Variants in LHFPL4 observed in about 807,000 individuals in gnomAD.
LHFPL4 encodes the protein LHFPL tetraspan subfamily member 4, also known as LHFPL tetraspan subfamily member 4 protein.
Under a neutral mutation model 20.0 loss-of-function variants are expected in LHFPL4, and 6 were observed. The ratio of observed to expected loss-of-function variants is 0.30; its 90% confidence interval spans 0.16 to 0.59. The LOEUF is 0.59. Among genes scored for constraint, LHFPL4 ranks in the 20% least tolerant of loss-of-function variants. The pLI, the probability that LHFPL4 is intolerant of heterozygous loss-of-function variation, is 0.88. For synonymous variants in LHFPL4, 129 were observed against 143.8 expected (o/e 0.90, Z 0.74); for missense variants, 215 against 331.2 (o/e 0.65, Z 2.72).
Position 9,502,007 on chromosome 3 carries a change from ACCCTC to A in LHFPL4, c.*199_*203del, listed in dbSNP as rs898973290. 1 of 600,270 alleles carries A rather than the reference ACCCTC, an allele frequency of 1.7e-6. No individual in the cohort carries two copies. The highest frequency in any genetic ancestry group is 1.9e-5 in the African/African-American group (1 of 53,614). The allele number at this position is 600,270 out of a possible 1,614,324, so 37.2% of individuals were successfully genotyped here. A position where few individuals can be genotyped will look rare whatever the true frequency, so the allele number is the denominator to read the frequency against. On this transcript the variant is annotated 3_prime_UTR_variant, in exon 4 of 4. Coordinates refer to ENST00000287585, the MANE Select transcript of LHFPL4 (RefSeq NM_198560.3). Reference sequence around the variant, plus strand: ...AAATTGAGGGAGGAGCAAGAATTAGACCCTCCCAAGGTTTGGAGGGCCTCTCCTCT... The same window carrying A: ...AAATTGAGGGAGGAGCAAGAATTAGACCAAGGTTTGGAGGGCCTCTCCTCT...
intron 3 of LHFPL4, among the ~76,000 whole-genome samples, chr3:9,503,601 G>A (rs570199949): frequency 6.6e-6 from 1 of 152,352 alleles, no homozygotes; most frequent in East Asian, 1.9e-4. Context: ...TTCAGATTCT[G>A]CCTTCACCAC....
Position 9,506,151 on chromosome 3 carries a change from C to G in LHFPL4, c.459G>C (p.Glu153Asp). 1 of 1,614,182 alleles carries G rather than the reference C, an allele frequency of 6.2e-7. No individual in the cohort carries two copies. Among genetic ancestry groups the G allele is most frequent in the Non-Finnish European group, 8.5e-7 (1 of 1,180,046 alleles). Residue 153 changes from glutamate (E) to aspartate (D), a missense_variant, in exon 3 of 4, where the codon GAG (glutamate) becomes GAC (aspartate). By Grantham distance (45) the Glu-to-Asp change is conservative. Transcript: ENST00000287585. This position sits in a 1 kb window ranked among gnomAD's most constrained non-coding sequence, Gnocchi z 4.5. The part of the protein sequence containing the change: ...CMIFPDGWDA[E>D]TIRDMCGAKT... ...TGGCCCCACACATGTCCCGGATGGT[C>G]TCGGCATCCCAGCCATCAGGAAAGA... is the stretch of plus-strand genomic sequence containing the variant.
chr3:9,552,784 G>T lies in LHFPL4; in HGVS notation c.-105C>A. Reference sequence around the variant, plus strand: ...GGAGCTGGGGACGCACGCGAGAAGCGGCCCTGAGTCAAGGAACCCGCGAGG... The same window carrying T: ...GGAGCTGGGGACGCACGCGAGAAGCTGCCCTGAGTCAAGGAACCCGCGAGG... On this transcript the variant is annotated 5_prime_UTR_variant, in exon 2 of 4. Transcript: ENST00000287585. 1.6e-6 allele frequency: 1 copy of T among 636,772 alleles called. No individual in the cohort carries two copies. 39.4% of individuals were successfully genotyped at this position (636,772 alleles called of 1,614,324 possible).
chr3:9,505,646 G>A (rs955396582), intron 3 of LHFPL4, among the ~76,000 whole-genome samples: 1 of 152,068 alleles, frequency 6.6e-6, no homozygotes, highest in Admixed American at 6.5e-5. Context: ...GGATGGTCTG[G>A]ATCTTCTGAC....
At chr3:9,523,682 A>C (rs1463511521) in intron 2 of LHFPL4, among the ~76,000 whole-genome samples, 1 of 152,080 alleles carries the variant, frequency 6.6e-6, no homozygotes, top group African/African-American at 2.4e-5. Context: ...CATGTTGGCC[A>C]GGCTGATCTC....
At chr3:9,508,518 A>C (rs1181814945) in intron 2 of LHFPL4, among the ~76,000 whole-genome samples, 1 of 152,174 alleles carries the variant, frequency 6.6e-6, no homozygotes, top group Non-Finnish European at 1.5e-5. Flanking sequence ...CTCAGGGGAA[A>C]ACCGGGGCTA....
chr3:9,549,297 G>GT, intron 2 of LHFPL4, among the ~76,000 whole-genome samples: 1 of 152,238 alleles, frequency 6.6e-6, no homozygotes, highest in African/African-American at 2.4e-5. Flanking sequence ...CATAGGGATG[G>GT]TTATAGAGCT....
intron 2 of LHFPL4, among the ~76,000 whole-genome samples, chr3:9,543,709 T>C (rs1417683679): frequency 1.4e-5 from 2 of 144,540 alleles, no homozygotes; most frequent in Non-Finnish European, 3.0e-5. Context: ...TTTGGGGTGA[T>C]TTGTTTGTTT....
Position 9,499,221 on chromosome 3 carries a change from G to C in LHFPL4, c.*2990C>G, listed in dbSNP as rs189120714. 6.6e-6 allele frequency: 1 copy of C among 152,302 alleles called. No individual in the cohort carries two copies. Among genetic ancestry groups the C allele is most frequent in the African/African-American group, 2.4e-5 (1 of 41,430 alleles). 9.4% of individuals were successfully genotyped at this position (152,302 alleles called of 1,614,324 possible). A position where few individuals can be genotyped will look rare whatever the true frequency, so the allele number is the denominator to read the frequency against. On this transcript the variant is annotated 3_prime_UTR_variant, in exon 4 of 4. Coordinates refer to ENST00000287585, the MANE Select transcript of LHFPL4 (RefSeq NM_198560.3). ...GAAGGCTAAAGCCAGATCGCCCGAC[G>C]AGAGCAGAGGCAAACCACAAAGCCC...
intron 2 of LHFPL4, among the ~76,000 whole-genome samples, chr3:9,548,555 C>A (rs1410151788): frequency 6.6e-6 from 1 of 152,212 alleles, no homozygotes; most frequent in African/African-American, 2.4e-5. Flanking sequence ...TCAAGCCTCG[C>A]TTCCCAACTA....
At chr3:9,508,744 G>A (rs1011512831) in intron 2 of LHFPL4, among the ~76,000 whole-genome samples, 4 of 152,218 alleles carry the variant, frequency 2.6e-5, no homozygotes, top group Non-Finnish European at 1.5e-5. Flanking sequence ...TGAAAGGAAA[G>A]GAGGGTCAAA....
At chr3:9,528,523 A>G (rs2046388545) in intron 2 of LHFPL4, among the ~76,000 whole-genome samples, 1 of 152,242 alleles carries the variant, frequency 6.6e-6, no homozygotes, top group Non-Finnish European at 1.5e-5. Flanking sequence ...CAGCTCCTCA[A>G]AGTCATCCAT....
intron 2 of LHFPL4, among the ~76,000 whole-genome samples, chr3:9,544,624 C>T (rs141774493): frequency 6.6e-6 from 1 of 152,066 alleles, no homozygotes; most frequent in Non-Finnish European, 1.5e-5. Context: ...GACTCTATCT[C>T]AAAACAAACA....
At chr3:9,532,638 G>C (rs1235172797) in intron 2 of LHFPL4, among the ~76,000 whole-genome samples, 2 of 152,172 alleles carry the variant, frequency 1.3e-5, no homozygotes, top group African/African-American at 4.8e-5. Flanking sequence ...CCTGGCCTAT[G>C]CTTATCTTTT....
intron 2 of LHFPL4, among the ~76,000 whole-genome samples, chr3:9,516,438 C>T (rs927077818): frequency 1.3e-5 from 2 of 151,884 alleles, no homozygotes; most frequent in African/African-American, 4.8e-5. Context: ...TCCTATCAAT[C>T]AATTTGCCCG....
intron 2 of LHFPL4, among the ~76,000 whole-genome samples, chr3:9,541,766 C>T (rs774687860): frequency 3.3e-5 from 5 of 150,726 alleles, no homozygotes; most frequent in African/African-American, 7.3e-5. Flanking sequence ...AGCAAAATTT[C>T]GCCTCAAAGA....
chr3:9,516,781 CTT>C (rs574431292), intron 2 of LHFPL4, among the ~76,000 whole-genome samples: 1,764 of 111,810 alleles, frequency 0.016, 27 homozygotes, highest in African/African-American at 0.053. Context: ...GCCACACAAT[CTT>C]TTTTTTTTTT....
chr3:9,535,640 C>A (rs1246958387), intron 2 of LHFPL4, among the ~76,000 whole-genome samples: 2 of 152,078 alleles, frequency 1.3e-5, no homozygotes, highest in Non-Finnish European at 2.9e-5. Flanking sequence ...AATACACAGC[C>A]AGCTGTTTGT....
intron 3 of LHFPL4, among the ~76,000 whole-genome samples, chr3:9,503,815 CAGG>C (rs2125654588): frequency 1.3e-5 from 2 of 152,286 alleles, no homozygotes; most frequent in Non-Finnish European, 2.9e-5. Flanking sequence ...TGCTTGAAGC[CAGG>C]AGTTCAAGAC....
Sources: allele counts gnomAD v4.1 joint callset (sites outside exome capture counted in the v4.1 genomes callset), GRCh38; gene constraint gnomAD v4.1.1; non-coding constraint Gnocchi (gnomAD v3.1); transcripts MANE v1.5; gene names NCBI Gene and HGNC (gene_info 2026-07-23, HGNC 2026-07-21).